The following AGAP1 variants were observed in gnomAD, a reference collection of about 807,000 sequenced individuals.
The protein encoded by AGAP1 is ArfGAP with GTPase domain, ankyrin repeat and PH domain 1.
A neutral mutation model predicts 105.3 loss-of-function variants in AGAP1; 29 were observed. That is an observed-to-expected ratio of 0.28 (90% CI 0.21 to 0.38). The LOEUF is 0.38. AGAP1 is among the 10% of genes least tolerant of loss of function. The pLI, the probability that AGAP1 is intolerant of heterozygous loss-of-function variation, is 1.00. For missense variants in AGAP1, 998 were observed against 1,165.1 expected, an observed-to-expected ratio of 0.86 and a Z score of 2.09; for synonymous variants, 509 against 485.9, an observed-to-expected ratio of 1.05 and a Z score of -0.63.
rs535972108 is a variant in AGAP1, at chr2:236,001,820, G to A, written c.1645+33197G>A. ...GGCCACAGGGCACTGCGTGGAATGC[G>A]TGGTCTCTAATAGGTTATGCCAGCC... On this transcript the variant is annotated intron_variant, in intron 13 of 17. Transcript: ENST00000304032. This position sits in a 1 kb window ranked among gnomAD's most constrained non-coding sequence, Gnocchi z 4.7. Among the ~76,000 whole-genome samples, 6 of 152,190 alleles carry A rather than the reference G, an allele frequency of 3.9e-5. No homozygotes were observed. The highest frequency in any genetic ancestry group is 8.8e-5 in the Non-Finnish European group (6 of 68,036).
chr2:236,029,939 G>C (rs993061387), intron 13 of AGAP1, among the ~76,000 whole-genome samples: 1 of 151,892 alleles, frequency 6.6e-6, no homozygotes, highest in Non-Finnish European at 1.5e-5. Context: ...AGGTCTCACT[G>C]TGTTGCCCAG....
rs1355417849 is a variant in AGAP1, at chr2:236,009,509, A to G, written c.1646-27052A>G. ...CTGATGGCGTCTTTTTAAATAAATT[A>G]ATACATGTCTGATGTGGACAGAGTA... On this transcript the variant is annotated intron_variant, in intron 13 of 17. Transcript: ENST00000304032. This position sits in a 1 kb window ranked among gnomAD's most constrained non-coding sequence, Gnocchi z 4.2. 6.6e-6 allele frequency among the ~76,000 whole-genome samples: 1 copy of G among 152,200 alleles called. No individual in the cohort carries two copies. The highest frequency in any genetic ancestry group is 1.5e-5 in the Non-Finnish European group (1 of 68,042).
chr2:235,843,262 T>A lies in AGAP1; in HGVS notation c.1050+35931T>A, dbSNP rs932729301. 2.6e-5 allele frequency among the ~76,000 whole-genome samples: 4 copies of A among 152,112 alleles called. No homozygotes were observed. Among genetic ancestry groups the A allele is most frequent in the African/African-American group, 9.7e-5 (4 of 41,426 alleles). On this transcript the variant is annotated intron_variant, in intron 9 of 17. Transcript: ENST00000304032. The surrounding 1 kb of genome is among the most constrained non-coding windows in gnomAD (Gnocchi z 5.9). ...GAGGACCTGAGCTTCGGCTGCGGCCTTCCAGCCCCCTGGGTCTCACTGCTT... is the reference window on the plus strand; with the variant it reads ...GAGGACCTGAGCTTCGGCTGCGGCCATCCAGCCCCCTGGGTCTCACTGCTT...
chr2:235,720,529 C>A lies in AGAP1; in HGVS notation c.310+2885C>A, dbSNP rs1157938158. 2.9e-6 allele frequency: 1 copy of A among 346,198 alleles called. No individual in the cohort carries two copies. The highest frequency in any genetic ancestry group is 4.1e-6 in the Non-Finnish European group (1 of 246,184). The allele number at this position is 346,198 out of a possible 1,614,324, so 21.4% of individuals were successfully genotyped here. On this transcript the variant is annotated intron_variant, in intron 3 of 17. Coordinates refer to ENST00000304032, the MANE Select transcript of AGAP1 (RefSeq NM_001037131.3). The surrounding 1 kb of genome is among the most constrained non-coding windows in gnomAD (Gnocchi z 5.0). ...ATTTTGAGTGAGCTCTGTGGCCTTCCCATTTCTTGGTGTACTGCTGCCTTC... is the reference window on the plus strand; with the variant it reads ...ATTTTGAGTGAGCTCTGTGGCCTTCACATTTCTTGGTGTACTGCTGCCTTC...
chr2:235,791,438 G>T (rs1187779343), intron 6 of AGAP1, among the ~76,000 whole-genome samples: 1 of 152,044 alleles, frequency 6.6e-6, no homozygotes, highest in Admixed American at 6.6e-5. Context: ...TTTTTGTAGG[G>T]GCGGGGGATG....
At chr2:235,991,988 C>T (rs2055583975) in intron 13 of AGAP1, among the ~76,000 whole-genome samples, 1 of 152,234 alleles carries the variant, frequency 6.6e-6, no homozygotes, top group Non-Finnish European at 1.5e-5. Flanking sequence ...TCCAGCCTCA[C>T]AAATGTCCAC....
rs1166384532 is a variant in AGAP1 at position 235,776,529 on chromosome 2, G to C, written c.674-21230G>C. ...GTGGTTTCCAAACTTGTTTTTGGCT[G>C]TGAACCCCTCTTGTCGAGGGTCTCC... is the stretch of plus-strand genomic sequence containing the variant. On this transcript the variant is annotated intron_variant, in intron 6 of 17. Transcript: ENST00000304032. 2.6e-5 allele frequency among the ~76,000 whole-genome samples: 4 copies of C among 152,192 alleles called. No homozygotes were observed. The East Asian group carries it at 7.7e-4, about 29-fold the overall frequency.
In AGAP1 at chr2:235,959,391, C is replaced by T. The variant is rs368510591; in HGVS notation, c.1484-9071C>T. On this transcript the variant is annotated intron_variant, in intron 12 of 17. Coordinates refer to ENST00000304032, the MANE Select transcript of AGAP1 (RefSeq NM_001037131.3). This position sits in a 1 kb window ranked among gnomAD's most constrained non-coding sequence, Gnocchi z 7.3. Reference sequence around the variant, plus strand: ...GTGGAAGCCTAGTGCGTTGTGATTGCTCATATTTTAAACCAGGGGAATGTT... The same window carrying T: ...GTGGAAGCCTAGTGCGTTGTGATTGTTCATATTTTAAACCAGGGGAATGTT... 6.6e-6 allele frequency among the ~76,000 whole-genome samples: 1 copy of T among 152,126 alleles called. No individual in the cohort carries two copies. Among genetic ancestry groups the T allele is most frequent in the African/African-American group, 2.4e-5 (1 of 41,410 alleles).
chr2:235,742,553 A>G (rs531936125), intron 4 of AGAP1, among the ~76,000 whole-genome samples: 6 of 152,202 alleles, frequency 3.9e-5, no homozygotes, highest in Non-Finnish European at 7.3e-5. Flanking sequence ...ACCGTCTGGT[A>G]GTTTATAGTA....
intron 1 of AGAP1, among the ~76,000 whole-genome samples, chr2:235,706,721 C>G (rs913429181): frequency 1.3e-5 from 2 of 152,114 alleles, no homozygotes; most frequent in Non-Finnish European, 2.9e-5. Context: ...AGTTACTTAA[C>G]CAGGGTGTGG....
Position 235,729,193 on chromosome 2 carries a change from A to G in AGAP1, c.310+11549A>G, listed in dbSNP as rs1559405199. 1.3e-5 allele frequency among the ~76,000 whole-genome samples: 2 copies of G among 152,148 alleles called. No individual in the cohort carries two copies. Among genetic ancestry groups the G allele is most frequent in the African/African-American group, 4.8e-5 (2 of 41,416 alleles). ...ATGGGATGAGCTGCTGGAACCCATC[A>G]CCATGAAGCCCCCTGCACTAACTAG... is the stretch of plus-strand genomic sequence containing the variant. On this transcript the variant is annotated intron_variant, in intron 3 of 17. Coordinates refer to ENST00000304032, the MANE Select transcript of AGAP1 (RefSeq NM_001037131.3). This position sits in a 1 kb window ranked among gnomAD's most constrained non-coding sequence, Gnocchi z 5.0.
intron 1 of AGAP1, among the ~76,000 whole-genome samples, chr2:235,699,075 C>A (rs1232635050): frequency 6.6e-6 from 1 of 151,216 alleles, no homozygotes. Context: ...GACATCCCCC[C>A]CCCCCACCCC....
chr2:235,682,853 G>A (rs370036347), intron 1 of AGAP1, among the ~76,000 whole-genome samples: 10 of 150,772 alleles, frequency 6.6e-5, no homozygotes, highest in African/African-American at 1.5e-4. Context: ...TTCATGTTCC[G>A]GTCTGTTGCC....
chr2:235,728,326 T>TGTGTGTGTGTGTGTGTGTGTGTGCGCGC lies in AGAP1; in HGVS notation c.310+10683_310+10684insTGTGTGTGTGTGTGTGTGTGTGCGCGCG, dbSNP rs986896995. On this transcript the variant is annotated intron_variant, in intron 3 of 17. Coordinates refer to ENST00000304032, the MANE Select transcript of AGAP1 (RefSeq NM_001037131.3). The surrounding 1 kb of genome is among the most constrained non-coding windows in gnomAD (Gnocchi z 4.3). ...CTGTGTGTGTGTGTGTGTGTGTGTG[T>TGTGTGTGTGTGTGTGTGTGTGTGCGCGC]GCGTGCTCTTAAATCAATGTAAATT... is the stretch of plus-strand genomic sequence containing the variant. 9.4e-4 allele frequency among the ~76,000 whole-genome samples: 143 copies of TGTGTGTGTGTGTGTGTGTGTGTGCGCGC among 151,740 alleles called. No homozygotes were observed. The highest frequency in any genetic ancestry group is 3.1e-3 in the African/African-American group (129 of 41,204).
intron 11 of AGAP1, among the ~76,000 whole-genome samples, chr2:235,923,633 C>G (rs1207414020): frequency 6.6e-6 from 1 of 152,126 alleles, no homozygotes; most frequent in African/African-American, 2.4e-5. Context: ...GTCTCCGGCT[C>G]TGTGTTCTGT....
chr2:235,814,319 T>C (rs1254986778), intron 9 of AGAP1, among the ~76,000 whole-genome samples: 1 of 152,230 alleles, frequency 6.6e-6, no homozygotes, highest in African/African-American at 2.4e-5. Context: ...GTGCTTATTT[T>C]CTTTAAAAGT....
Position 235,752,600 on chromosome 2 carries a change from T to G in AGAP1, c.673+2112T>G, listed in dbSNP as rs932062383. Among the ~76,000 whole-genome samples, 2 of 152,164 alleles carry G rather than the reference T, an allele frequency of 1.3e-5. No homozygotes were observed. Among genetic ancestry groups the G allele is most frequent in the Admixed American group, 6.5e-5 (1 of 15,276 alleles). On this transcript the variant is annotated intron_variant, in intron 6 of 17. Coordinates refer to ENST00000304032, the MANE Select transcript of AGAP1 (RefSeq NM_001037131.3). The surrounding 1 kb of genome is among the most constrained non-coding windows in gnomAD (Gnocchi z 4.3). Reference sequence around the variant, plus strand: ...TTTGCGGCCTGAGAAGCCCAGAATATTCACTCTCTGGCCCCGTGCAGAGAG... The same window carrying G: ...TTTGCGGCCTGAGAAGCCCAGAATAGTCACTCTCTGGCCCCGTGCAGAGAG...
rs1219109203 is a variant in AGAP1 at position 235,931,135 on chromosome 2, C to G, written c.1483+212C>G. Among the ~76,000 whole-genome samples the G allele has an allele frequency of 2.6e-5, 4 of 152,206 alleles. No homozygotes were observed. Among genetic ancestry groups the G allele is most frequent in the Non-Finnish European group, 5.9e-5 (4 of 68,038 alleles). ...TGCCCCTGTCATCTCATCTGTTCCT[C>G]TTTGGCACAGGGAGGAGGTAGTCAT... On this transcript the variant is annotated intron_variant, in intron 12 of 17. Coordinates refer to ENST00000304032, the MANE Select transcript of AGAP1 (RefSeq NM_001037131.3). The surrounding 1 kb of genome is among the most constrained non-coding windows in gnomAD (Gnocchi z 5.6).
In AGAP1 at chr2:235,741,432, T is replaced by TG. The variant is rs1952576109; in HGVS notation, c.396+385dup. Among the ~76,000 whole-genome samples, 1 of 152,204 alleles carries TG rather than the reference T, an allele frequency of 6.6e-6. No individual in the cohort carries two copies. The highest frequency in any genetic ancestry group is 1.5e-5 in the Non-Finnish European group (1 of 68,040). ...CTAGAGCAGTGAGAGTTAGAGAGCT[T>TG]GCTGGGTGCAATTGGGAGTCCCACC... On this transcript the variant is annotated intron_variant, in intron 4 of 17. Coordinates refer to ENST00000304032, the MANE Select transcript of AGAP1 (RefSeq NM_001037131.3). The surrounding 1 kb of genome is among the most constrained non-coding windows in gnomAD (Gnocchi z 4.9).
Sources: gnomAD v4.1 joint callset for allele counts (sites outside exome capture counted in the v4.1 genomes callset) on GRCh38, gnomAD v4.1.1 for gene constraint, Gnocchi (gnomAD v3.1) non-coding constraint, MANE v1.5 for transcripts, NCBI Gene and HGNC (gene_info 2026-07-23, HGNC 2026-07-21) for gene names.